DRC11: variants seen among roughly 807,000 people sequenced by gnomAD.
DRC11 encodes IQ and AAA domain-containing protein 1.
chr2:236,372,967 G>A, the DRC11 span, among the ~76,000 whole-genome samples: 12 of 152,030 alleles, frequency 7.9e-5, no homozygotes, highest in Admixed American at 1.3e-4. The surrounding 1 kb of genome is among the most constrained non-coding windows in gnomAD (Gnocchi z 4.5). Context: ...TTAGGGACTC[G>A]TATTATCTGT....
the DRC11 span, among the ~76,000 whole-genome samples, chr2:236,456,681 C>T: frequency 8.4e-3 from 1,284 of 152,308 alleles, 19 homozygotes; most frequent in African/African-American, 0.029. The surrounding 1 kb of genome is among the most constrained non-coding windows in gnomAD (Gnocchi z 5.4). Flanking sequence ...TAGCAATGCC[C>T]CTCGGCCACT....
At chr2:236,446,401 C>A in the DRC11 span, among the ~76,000 whole-genome samples, 2 of 152,184 alleles carry the variant, frequency 1.3e-5, no homozygotes, top group South Asian at 2.1e-4. This position sits in a 1 kb window ranked among gnomAD's most constrained non-coding sequence, Gnocchi z 6.2. Context: ...CAGGTGACAG[C>A]CCATCTGGGG....
chr2:236,424,746 T>C, the DRC11 span, among the ~76,000 whole-genome samples: 1 of 151,954 alleles, frequency 6.6e-6, no homozygotes, highest in East Asian at 1.9e-4. Context: ...GGACAATACA[T>C]CTCCAGAACT....
chr2:236,383,750 G>C, the DRC11 span, among the ~76,000 whole-genome samples: 3 of 151,666 alleles, frequency 2.0e-5, no homozygotes, highest in Admixed American at 2.0e-4. Flanking sequence ...TGCCATGCTG[G>C]TGCGCTGCAC....
chr2:236,314,974 C>G, the DRC11 span, among the ~76,000 whole-genome samples: 3 of 152,084 alleles, frequency 2.0e-5, no homozygotes, highest in African/African-American at 7.2e-5. The surrounding 1 kb of genome is among the most constrained non-coding windows in gnomAD (Gnocchi z 4.5). Flanking sequence ...TGCAAAATGT[C>G]AAGCATATCT....
chr2:236,335,147 A>G, the DRC11 span, among the ~76,000 whole-genome samples: 74 of 152,298 alleles, frequency 4.9e-4, no homozygotes, highest in East Asian at 0.011. This position sits in a 1 kb window ranked among gnomAD's most constrained non-coding sequence, Gnocchi z 5.6. Flanking sequence ...GGACTGCTGC[A>G]CACCTTTGAG....
chr2:236,405,068 C>T, the DRC11 span, among the ~76,000 whole-genome samples: 673 of 152,328 alleles, frequency 4.4e-3, 5 homozygotes, highest in African/African-American at 0.015. This position sits in a 1 kb window ranked among gnomAD's most constrained non-coding sequence, Gnocchi z 4.6. Flanking sequence ...AACACCACCA[C>T]ATTGGTGATT....
chr2:236,417,722 T>C, the DRC11 span, among the ~76,000 whole-genome samples: 1 of 152,094 alleles, frequency 6.6e-6, no homozygotes, highest in South Asian at 2.1e-4. Flanking sequence ...ATGCTCTCTC[T>C]CCCCTTGCCC....
chr2:236,335,751 C>G, the DRC11 span, among the ~76,000 whole-genome samples: 1 of 152,096 alleles, frequency 6.6e-6, no homozygotes, highest in East Asian at 1.9e-4. The surrounding 1 kb of genome is among the most constrained non-coding windows in gnomAD (Gnocchi z 5.6). Flanking sequence ...AATATAGATA[C>G]CATACAAAAA....
At chr2:236,455,789 C>G in the DRC11 span, among the ~76,000 whole-genome samples, 2 of 152,174 alleles carry the variant, frequency 1.3e-5, no homozygotes, top group African/African-American at 4.8e-5. This position sits in a 1 kb window ranked among gnomAD's most constrained non-coding sequence, Gnocchi z 5.7. Flanking sequence ...TATAACGAAG[C>G]ATTTCAAGAC....
At chr2:236,344,130 C>G in the DRC11 span, among the ~76,000 whole-genome samples, 1 of 152,242 alleles carries the variant, frequency 6.6e-6, no homozygotes, top group Non-Finnish European at 1.5e-5. Flanking sequence ...TGAAAAAGGA[C>G]TCCCTGGAGG....
the DRC11 span, among the ~76,000 whole-genome samples, chr2:236,498,954 G>A: frequency 6.6e-6 from 1 of 152,168 alleles, no homozygotes; most frequent in African/African-American, 2.4e-5. Context: ...GTAGAAAGTG[G>A]GTGTGGAGAG....
chr2:236,344,276 A>T, the DRC11 span, among the ~76,000 whole-genome samples: 2 of 152,204 alleles, frequency 1.3e-5, no homozygotes, highest in African/African-American at 4.8e-5. Context: ...AACTGAGCAG[A>T]GTTCTCTAAA....
At chr2:236,357,714 A>G in the DRC11 span, among the ~76,000 whole-genome samples, 5 of 126,728 alleles carry the variant, frequency 3.9e-5, no homozygotes, top group African/African-American at 1.6e-4. Context: ...GTAAATATGT[A>G]TTTATAATAT....
chr2:236,432,920 T>A, the DRC11 span, among the ~76,000 whole-genome samples: 3 of 152,184 alleles, frequency 2.0e-5, no homozygotes, highest in Non-Finnish European at 4.4e-5. Context: ...AAGTGTTTGA[T>A]CCTTTTGGAA....
At chr2:236,394,051 TCCAGTTTAGCC>T in the DRC11 span, among the ~76,000 whole-genome samples, 1 of 152,122 alleles carries the variant, frequency 6.6e-6, no homozygotes, top group African/African-American at 2.4e-5. This position sits in a 1 kb window ranked among gnomAD's most constrained non-coding sequence, Gnocchi z 7.0. Context: ...TATATACAGT[TCCAGTTTAGCC>T]CCAAATAGTT....
chr2:236,355,134 T>C, the DRC11 span, among the ~76,000 whole-genome samples: 3 of 152,230 alleles, frequency 2.0e-5, no homozygotes, highest in Non-Finnish European at 2.9e-5. Flanking sequence ...CTGACACCGA[T>C]GTTCCAGGCA....
At chr2:236,491,271 T>TATATATAC in the DRC11 span, among the ~76,000 whole-genome samples, 24 of 67,436 alleles carry the variant, frequency 3.6e-4, 1 homozygote, top group African/African-American at 1.6e-3. Context: ...TATATATATA[T>TATATATAC]ACACACAGTA....
the DRC11 span, among the ~76,000 whole-genome samples, chr2:236,371,856 A>T: frequency 1.4e-4 from 21 of 152,182 alleles, no homozygotes; most frequent in South Asian, 2.7e-3. The surrounding 1 kb of genome is among the most constrained non-coding windows in gnomAD (Gnocchi z 5.1). Flanking sequence ...ATGTCACTCC[A>T]TTTACTTCTG....
Sources: allele counts gnomAD v4.1 joint callset (sites outside exome capture counted in the v4.1 genomes callset), GRCh38; gene constraint gnomAD v4.1.1; non-coding constraint Gnocchi (gnomAD v3.1); transcripts MANE v1.5; gene names NCBI Gene and HGNC (gene_info 2026-07-23, HGNC 2026-07-21).